SH2D3C: variants seen among roughly 807,000 people sequenced by gnomAD.
SH2D3C encodes SH2 domain containing 3C.
In SH2D3C, 25 loss-of-function variants were observed where a neutral mutation model predicts 75.2. That is an observed-to-expected ratio of 0.33 (90% CI 0.24 to 0.46). The LOEUF (loss-of-function observed/expected upper bound fraction) is 0.46. SH2D3C is among the 20% of genes least tolerant of loss of function. SH2D3C has a pLI of 1.00. For synonymous variants in SH2D3C, 450 were observed against 473.7 expected (o/e 0.95, Z 0.65); for missense variants, 933 against 1,165.3 (o/e 0.80, Z 2.90).
intron 8 of SH2D3C, 136 bp downstream of exon 8, chr9:127,742,713 G>T (rs1238245748): frequency 1.6e-6 from 1 of 611,200 alleles, no homozygotes; most frequent in African/African-American, 1.9e-5. Flanking sequence ...CTTGCGATTG[G>T]TCAATGGGAT....
intron 7 of SH2D3C, 106 bp downstream of exon 7, chr9:127,744,458 T>G (rs1298684636): frequency 7.2e-7 from 1 of 1,391,314 alleles, no homozygotes; most frequent in African/African-American, 1.4e-5. Flanking sequence ...GGAGCTAGAA[T>G]CCAGGCCCAC....
Position 127,762,012 on chromosome 9 carries a change from TTTC to T in SH2D3C, c.516-365_516-363del, listed in dbSNP as rs1383626020. ...ACTCCAGACACCACGCCTCCCTGGTTTTCTTCTTCTTCTGTCTGCCTTCCCTAC... is the reference window on the plus strand; with the variant it reads ...ACTCCAGACACCACGCCTCCCTGGTTTTCTTCTTCTGTCTGCCTTCCCTAC... On this transcript the variant is annotated intron_variant, in intron 2 of 11. Coordinates refer to ENST00000314830, the MANE Select transcript of SH2D3C (RefSeq NM_170600.3). 26 of 294,550 alleles carry T rather than the reference TTTC, an allele frequency of 8.8e-5. No homozygotes were observed. In the East Asian group the frequency reaches 2.2e-3, roughly 25 times the overall value. The allele number at this position is 294,550 out of a possible 1,614,324, so 18.2% of individuals were successfully genotyped here.
intron 9 of SH2D3C, among the ~76,000 whole-genome samples, chr9:127,740,682 TTTA>T (rs1379194432): frequency 3.9e-5 from 6 of 152,344 alleles, no homozygotes; most frequent in Admixed American, 3.9e-4. Context: ...TTATTTATTT[TTTA>T]TTATTTTGTT....
At chr9:127,756,830 G>C (rs1444968753) in intron 3 of SH2D3C, among the ~76,000 whole-genome samples, 2 of 150,442 alleles carry the variant, frequency 1.3e-5, no homozygotes, top group East Asian at 4.0e-4. Context: ...ATTTTTAGTA[G>C]AGACAGGGTT....
intron 6 of SH2D3C, 123 bp downstream of exon 6, chr9:127,747,024 T>C (rs1229627004): frequency 3.3e-6 from 3 of 918,300 alleles, no homozygotes; most frequent in Admixed American, 4.8e-5. Context: ...CAGTGTCAGT[T>C]CTTTCTCTTG....
Position 127,740,042 on chromosome 9 carries a change from C to T in SH2D3C, c.2201-154G>A, listed in dbSNP as rs74816856. On this transcript the variant is annotated intron_variant, in intron 10 of 11. Transcript: ENST00000314830. ...GACTCCTGGGACAAACCCTTTCTTT[C>T]GGATTCCCCCAACTGAACCCACTGC... Among the ~76,000 whole-genome samples, 390 of 152,252 alleles carry T rather than the reference C, an allele frequency of 2.6e-3. 9 individuals carry two copies. In the East Asian group the frequency reaches 0.055, roughly 22 times the overall value.
chr9:127,755,877 G>A (rs535592424), intron 3 of SH2D3C, among the ~76,000 whole-genome samples: 9 of 152,302 alleles, frequency 5.9e-5, no homozygotes, highest in African/African-American at 1.9e-4. Flanking sequence ...CCTGTCAAAC[G>A]CAGCTAAAGC....
intron 7 of SH2D3C, among the ~76,000 whole-genome samples, chr9:127,743,851 G>A (rs899857200): frequency 6.6e-6 from 1 of 152,112 alleles, no homozygotes; most frequent in African/African-American, 2.4e-5. Context: ...GGGCCGAGGA[G>A]GTAATGATTT....
At chr9:127,772,600 G>GGT (rs1309852252) in intron 2 of SH2D3C, among the ~76,000 whole-genome samples, 2 of 151,926 alleles carry the variant, frequency 1.3e-5, no homozygotes, top group Non-Finnish European at 1.5e-5. Context: ...ACATGTGACT[G>GGT]GTGTGGTTGA....
At chr9:127,750,858 A>G (rs563878899) in intron 4 of SH2D3C, among the ~76,000 whole-genome samples, 2 of 152,392 alleles carry the variant, frequency 1.3e-5, no homozygotes, top group African/African-American at 4.8e-5. Context: ...ACCAGTAACA[A>G]TAACAGCATA....
chr9:127,762,183 C>T (rs1845544660), intron 2 of SH2D3C: 1 of 1,183,854 alleles, frequency 8.4e-7, no homozygotes, highest in Non-Finnish European at 1.1e-6. Flanking sequence ...GACTGCGGAG[C>T]CACTGCCGGT....
chr9:127,776,394 GT>G (rs1325213337), intron 1 of SH2D3C, among the ~76,000 whole-genome samples: 2 of 152,026 alleles, frequency 1.3e-5, no homozygotes, highest in Non-Finnish European at 2.9e-5. Flanking sequence ...GGGGGTTGTT[GT>G]GAGCCTGAGG....
rs889757120 is a variant in SH2D3C, at chr9:127,771,443, A to T, written c.515+2547T>A. 12 of 1,178,724 alleles carry T rather than the reference A, an allele frequency of 1.0e-5. No homozygotes were observed. The Admixed American group carries it at 3.2e-4, about 32-fold the overall frequency. The allele number at this position is 1,178,724 out of a possible 1,614,324, so 73.0% of individuals were successfully genotyped here. A position where few individuals can be genotyped will look rare whatever the true frequency, so the allele number is the denominator to read the frequency against. On this transcript the variant is annotated intron_variant, in intron 2 of 11. Coordinates refer to ENST00000314830, the MANE Select transcript of SH2D3C (RefSeq NM_170600.3). ...GGGAAGGACGCTCTCCGCCTCGAAC[A>T]CGGCCCTCCGCCTGCGGTCTCGCTC... is the stretch of plus-strand genomic sequence containing the variant.
At chr9:127,747,300 G>A (rs1442753420) in intron 5 of SH2D3C, 29 bp from the exon 6 acceptor site, 1 of 1,601,694 alleles carries the variant, frequency 6.2e-7, no homozygotes, top group African/African-American at 1.3e-5. Context: ...CATGGGCAGG[G>A]AGCCCGGAGG....
intron 2 of SH2D3C, chr9:127,767,020 T>C (rs1435360598): frequency 1.3e-6 from 2 of 1,536,148 alleles, no homozygotes; most frequent in African/African-American, 1.4e-5. Context: ...ATGGGGCCTG[T>C]GGGATTCCCT....
chr9:127,760,700 C>G (rs1845505818), intron 3 of SH2D3C, among the ~76,000 whole-genome samples: 1 of 152,086 alleles, frequency 6.6e-6, no homozygotes, highest in Non-Finnish European at 1.5e-5. Flanking sequence ...CAAGAAGGCT[C>G]TCCCTACCCA....
At chr9:127,742,243 G>T (rs988902432) in intron 8 of SH2D3C, among the ~76,000 whole-genome samples, 1 of 152,098 alleles carries the variant, frequency 6.6e-6, no homozygotes, top group Non-Finnish European at 1.5e-5. Flanking sequence ...TTGTTTGTTT[G>T]TTTGTTTTTT....
At chr9:127,757,436 A>G (rs1564419612) in intron 3 of SH2D3C, among the ~76,000 whole-genome samples, 1 of 139,594 alleles carries the variant, frequency 7.2e-6, no homozygotes, top group East Asian at 2.1e-4. Flanking sequence ...ATGCTCAGCT[A>G]TTTTTTTTTT....
In SH2D3C at chr9:127,749,206, C is replaced by A; in HGVS notation, c.1139+5G>T. On this transcript the variant is annotated splice_donor_5th_base_variant and intron_variant, in intron 5 of 11. Coordinates refer to ENST00000314830, the MANE Select transcript of SH2D3C (RefSeq NM_170600.3). This position sits in a 1 kb window ranked among gnomAD's most constrained non-coding sequence, Gnocchi z 5.9. ...CCCCATTTGACAAATGGGGCCCTGG[C>A]TGACCTGGTGGGGCAGCCATCGCTG... 6.5e-7 allele frequency: 1 copy of A among 1,547,098 alleles called. No homozygotes were observed. The highest frequency in any genetic ancestry group is 8.7e-7 in the Non-Finnish European group (1 of 1,145,444).
Sources: gnomAD v4.1 joint callset for allele counts (sites outside exome capture counted in the v4.1 genomes callset) on GRCh38, gnomAD v4.1.1 for gene constraint, Gnocchi (gnomAD v3.1) non-coding constraint, MANE v1.5 for transcripts, NCBI Gene and HGNC (gene_info 2026-07-23, HGNC 2026-07-21) for gene names.